The following THADA variants were observed in gnomAD, a reference collection of about 807,000 sequenced individuals.
THADA encodes the protein tRNA (32-2'-O)-methyltransferase regulator THADA.
In THADA, 213 loss-of-function variants were observed where a neutral mutation model predicts 219.8. That is an observed-to-expected ratio of 0.97 (90% CI 0.87 to 1.09). The LOEUF (loss-of-function observed/expected upper bound fraction) is 1.09, where lower values mean the gene tolerates loss of function less well. Ranked by LOEUF, THADA falls within the 50% of genes least tolerant of loss-of-function variation. The pLI, the probability that THADA is intolerant of heterozygous loss-of-function variation, is 0.00. For synonymous variants in THADA, 1,018 were observed against 828.9 expected (o/e 1.23, Z -3.92); for missense variants, 2,956 against 2,311.3 (o/e 1.28, Z -5.72).
intron 21 of THADA, among the ~76,000 whole-genome samples, chr2:43,537,615 A>C (rs1311319678): frequency 6.6e-6 from 1 of 152,218 alleles, no homozygotes; most frequent in African/African-American, 2.4e-5. Flanking sequence ...GACACTACTG[A>C]GGGAATACAT....
intron 36 of THADA, among the ~76,000 whole-genome samples, chr2:43,274,029 C>T (rs1472675384): frequency 3.3e-5 from 5 of 152,136 alleles, no homozygotes; most frequent in South Asian, 2.1e-4. Flanking sequence ...TTCTACATCT[C>T]GCTCCTACTT....
At chr2:43,424,890 T>C (rs1678214878) in intron 28 of THADA, among the ~76,000 whole-genome samples, 1 of 152,088 alleles carries the variant, frequency 6.6e-6, no homozygotes, top group African/African-American at 2.4e-5. Context: ...AATCAGTCAC[T>C]TTTCCTACAG....
chr2:43,435,611 T>C (rs142450639), intron 26 of THADA, among the ~76,000 whole-genome samples: 1,922 of 151,866 alleles, frequency 0.013, 24 homozygotes, highest in Admixed American at 0.018. Context: ...GGTGAAATCC[T>C]GTCTGTACTA....
intron 34 of THADA, among the ~76,000 whole-genome samples, chr2:43,289,061 G>C (rs1338505134): frequency 1.3e-5 from 2 of 152,178 alleles, no homozygotes; most frequent in African/African-American, 4.8e-5. Context: ...AATGGAATCA[G>C]ATAATATGTA....
intron 28 of THADA, among the ~76,000 whole-genome samples, chr2:43,418,330 T>C (rs1177352233): frequency 6.6e-6 from 1 of 152,210 alleles, no homozygotes; most frequent in Non-Finnish European, 1.5e-5. Context: ...TCAAGCTTAC[T>C]GGAGCGCTTT....
chr2:43,546,704 T>C (rs1696075731), intron 20 of THADA, among the ~76,000 whole-genome samples: 1 of 152,144 alleles, frequency 6.6e-6, no homozygotes, highest in East Asian at 1.9e-4. Context: ...CCTGCCTTTT[T>C]TTGGTTTCCA....
At position 43,574,722 on chromosome 2, in the gene THADA, T is replaced by G; in HGVS notation, c.1343A>C (p.Glu448Ala). ...CGTGTACTTTCCTTTAATATGCCAT[T>G]CCAATCGTAAAAGACTCTCAGTCAA... Reference protein sequence around the residue: ...VELTESLLRLEWHIKGKYTCL... With the variant: ...VELTESLLRLAWHIKGKYTCL... The change falls in exon 11 of 38, where the codon GAA becomes GCA. Residue 448 changes from glutamate (E) to alanine (A), a missense_variant. By Grantham distance (107) the Glu-to-Ala change is moderately radical. Transcript: ENST00000405975. 1.2e-6 allele frequency: 2 copies of G among 1,614,030 alleles called. 1 individual carries two copies.
At chr2:43,239,774 C>G (rs1236471776) in intron 36 of THADA, among the ~76,000 whole-genome samples, 2 of 152,230 alleles carry the variant, frequency 1.3e-5, no homozygotes, top group Non-Finnish European at 2.9e-5. Context: ...AATCCTCCTT[C>G]AGGCATCTGA....
At chr2:43,280,721 G>A (rs1673246721) in intron 35 of THADA, among the ~76,000 whole-genome samples, 1 of 152,154 alleles carries the variant, frequency 6.6e-6, no homozygotes, top group Non-Finnish European at 1.5e-5. Flanking sequence ...TCCCATGTAT[G>A]TAGGGGGTCC....
chr2:43,520,749 TATCAA>T (rs1483155316), intron 22 of THADA, among the ~76,000 whole-genome samples: 2 of 148,358 alleles, frequency 1.3e-5, no homozygotes, highest in African/African-American at 5.2e-5. Context: ...CACACATATA[TATCAA>T]CAACAACAAC....
At chr2:43,466,228 C>T (rs1432643653) in intron 26 of THADA, among the ~76,000 whole-genome samples, 3 of 152,210 alleles carry the variant, frequency 2.0e-5, no homozygotes, top group African/African-American at 7.2e-5. Flanking sequence ...GTAGTCAATG[C>T]TACGACTGGA....
At position 43,514,742 on chromosome 2, in the gene THADA, TATA is replaced by T. The variant is rs1417192341; in HGVS notation, c.3375-5965_3375-5963del. On this transcript the variant is annotated intron_variant, in intron 22 of 37. Coordinates refer to ENST00000405975, the MANE Select transcript of THADA (RefSeq NM_022065.5). Reference sequence around the variant, plus strand: ...TATATTATATATAATATGTATAATATATAATATTTTATATATAATATGTATAAT... The same window carrying T: ...TATATTATATATAATATGTATAATATATATTTTATATATAATATGTATAAT... Among the ~76,000 whole-genome samples the T allele has an allele frequency of 7.7e-3, 671 of 87,004 alleles. 56 individuals carry two copies. The highest frequency in any genetic ancestry group is 0.034 in the East Asian group (103 of 2,998). 57.1% of individuals were successfully genotyped at this position (87,004 alleles called of 152,430 possible).
intron 25 of THADA, among the ~76,000 whole-genome samples, chr2:43,487,688 G>T (rs934530358): frequency 3.3e-5 from 5 of 152,158 alleles, no homozygotes; most frequent in Non-Finnish European, 5.9e-5. Flanking sequence ...TCACGAATGC[G>T]ATTAGTGCCC....
chr2:43,479,008 G>A (rs913743971), intron 26 of THADA, among the ~76,000 whole-genome samples: 10 of 152,046 alleles, frequency 6.6e-5, no homozygotes, highest in Admixed American at 6.6e-5. Context: ...TATCTACTCT[G>A]CCTAAAGAGT....
At chr2:43,393,397 C>T (rs1225665592) in intron 29 of THADA, among the ~76,000 whole-genome samples, 1 of 152,120 alleles carries the variant, frequency 6.6e-6, no homozygotes, top group Non-Finnish European at 1.5e-5. Flanking sequence ...AATAGGAACA[C>T]AGGCTTTAGA....
rs73925508 is a variant in THADA at position 43,422,391 on chromosome 2, C to A, written c.4058+5709G>T. Among the ~76,000 whole-genome samples, 941 of 152,190 alleles carry A rather than the reference C, an allele frequency of 6.2e-3. 12 individuals carry two copies. Among genetic ancestry groups the A allele is most frequent in the African/African-American group, 0.022 (914 of 41,520 alleles). ...CCTCCTCATCTTGGTCACCTCCCCT[C>A]GACAGATACTAGTTCTTCAGTGACC... On this transcript the variant is annotated intron_variant, in intron 28 of 37. Transcript: ENST00000405975.
chr2:43,347,001 C>T (rs938793656), intron 29 of THADA, among the ~76,000 whole-genome samples: 10 of 152,122 alleles, frequency 6.6e-5, no homozygotes, highest in Admixed American at 3.9e-4. Flanking sequence ...TGTGAGCTAT[C>T]GTAGTGCCGA....
chr2:43,427,503 TTGTGTGTGTGTG>T (rs70963397), intron 28 of THADA, among the ~76,000 whole-genome samples: 5 of 140,598 alleles, frequency 3.6e-5, no homozygotes, highest in East Asian at 4.1e-4. Flanking sequence ...CTCCCAAAGT[TTGTGTGTGTGTG>T]TGTGTGTGTG....
At chr2:43,403,934 TC>T (rs1418435375) in intron 28 of THADA, among the ~76,000 whole-genome samples, 2 of 152,130 alleles carry the variant, frequency 1.3e-5, no homozygotes, top group Admixed American at 1.3e-4. Flanking sequence ...GAAATGGTCA[TC>T]TACTGACAAC....
Sources: allele counts gnomAD v4.1 joint callset (sites outside exome capture counted in the v4.1 genomes callset), GRCh38; gene constraint gnomAD v4.1.1; transcripts MANE v1.5; gene names NCBI Gene and HGNC (gene_info 2026-07-23, HGNC 2026-07-21).